MAP7D2: variants seen among roughly 807,000 people sequenced by gnomAD.
MAP7D2 encodes MAP7 domain containing 2.
In MAP7D2, 33 loss-of-function variants were observed where a neutral mutation model predicts 63.5. That is an observed-to-expected ratio of 0.52 (90% confidence interval 0.39 to 0.70). The LOEUF is 0.70. MAP7D2 is among the 30% of genes least tolerant of loss of function. The probability of loss-of-function intolerance (pLI) is 0.00; values close to 1 mark genes in which losing one functional copy is unlikely to be tolerated. For synonymous variants in MAP7D2, 224 were observed against 223.7 expected, an observed-to-expected ratio of 1.00 and a Z score of -0.01; for missense variants, 626 against 604.0, an observed-to-expected ratio of 1.04 and a Z score of -0.38.
At chrX:20,094,487 CATATATATATATATATATATATATAT>C (rs1216874865) in intron 1 of MAP7D2, among the ~76,000 whole-genome samples, 11 of 15,094 alleles carry the variant, frequency 7.3e-4, no homozygotes, top group East Asian at 3.7e-3. Context: ...AAAATACATA[CATATATATATATATATATATATATAT>C]ATGTATATAT....
At chrX:20,099,235 ACTCTCTCTCTCT>A (rs72039188) in intron 1 of MAP7D2, among the ~76,000 whole-genome samples, 78 of 93,639 alleles carry the variant, frequency 8.3e-4, no homozygotes, top group African/African-American at 2.5e-3. Context: ...GCAAGTTTAT[ACTCTCTCTCTCT>A]CTCTCTCTCT....
At chrX:20,087,501 C>T (rs1368508818) in intron 1 of MAP7D2, among the ~76,000 whole-genome samples, 2 of 111,975 alleles carry the variant, frequency 1.8e-5, no homozygotes, top group Admixed American at 1.9e-4. Context: ...TTCTTGCAGT[C>T]TGCAGAATCA....
intron 1 of MAP7D2, among the ~76,000 whole-genome samples, chrX:20,079,058 C>A (rs1449035584): frequency 1.8e-5 from 2 of 110,793 alleles, no homozygotes; most frequent in Non-Finnish European, 3.8e-5. Context: ...ACTACAGCAA[C>A]AAACAGAAAA....
At chrX:20,009,000 C>T (rs1182667636) in intron 16 of MAP7D2, among the ~76,000 whole-genome samples, 5 of 111,657 alleles carry the variant, frequency 4.5e-5, no homozygotes, top group Non-Finnish European at 9.4e-5. Flanking sequence ...ACACAAAAAA[C>T]CTCTTAATAA....
At chrX:20,098,560 G>T (rs182549068) in intron 1 of MAP7D2, among the ~76,000 whole-genome samples, 1,163 of 110,958 alleles carry the variant, frequency 0.01, 11 homozygotes, top group African/African-American at 0.031. Context: ...TACACGGTGG[G>T]GGGGGGAGCG....
intron 1 of MAP7D2, among the ~76,000 whole-genome samples, chrX:20,105,895 A>C (rs934084637): frequency 1.8e-5 from 2 of 112,146 alleles, no homozygotes; most frequent in African/African-American, 6.5e-5. Context: ...CAGACTGGGT[A>C]ACTTATAACA....
chrX:20,063,259 T>C, intron 3 of MAP7D2, among the ~76,000 whole-genome samples, 155 bp downstream of exon 3: 1 of 111,867 alleles, frequency 8.9e-6, no homozygotes, highest in Middle Eastern at 4.6e-3. Context: ...TGCTTCGAGT[T>C]TCATGTCATG....
intron 8 of MAP7D2, among the ~76,000 whole-genome samples, chrX:20,034,028 C>T (rs368847280): frequency 4.6e-5 from 5 of 107,653 alleles, no homozygotes; most frequent in Admixed American, 3.0e-4. Context: ...AGTTCAAAAC[C>T]GGCCTGGCCA....
chrX:20,074,781 T>C (rs763281233), intron 1 of MAP7D2, among the ~76,000 whole-genome samples: 5 of 111,809 alleles, frequency 4.5e-5, no homozygotes, highest in Non-Finnish European at 7.5e-5. Context: ...CCAGGCGCGG[T>C]GGTTTACTCC....
At chrX:20,025,560 G>A (rs562983930) in intron 9 of MAP7D2, 121 bp downstream of exon 9, 6 of 881,663 alleles carry the variant, frequency 6.8e-6, no homozygotes, top group Middle Eastern at 4.3e-4. Flanking sequence ...AGCTGCACGA[G>A]GGGATGCACT....
chrX:20,084,094 G>A (rs910328217), intron 1 of MAP7D2, among the ~76,000 whole-genome samples: 9 of 109,556 alleles, frequency 8.2e-5, no homozygotes, highest in African/African-American at 2.3e-4. Flanking sequence ...CCAGCTACTC[G>A]GGAGTGTGAG....
intron 2 of MAP7D2, among the ~76,000 whole-genome samples, 199 bp downstream of exon 2, chrX:20,064,529 A>G (rs1027319240): frequency 8.9e-6 from 1 of 112,199 alleles, no homozygotes; most frequent in Non-Finnish European, 1.9e-5. Context: ...GCAGAGGTTC[A>G]ATGTTTGCCG....
chrX:20,030,654 A>C (rs1219873840), intron 8 of MAP7D2, among the ~76,000 whole-genome samples: 1 of 111,683 alleles, frequency 9.0e-6, no homozygotes, highest in Non-Finnish European at 1.9e-5. Flanking sequence ...CTCCATGCAC[A>C]GTGAGTGAAC....
chrX:20,112,101 G>C (rs1337114388), intron 1 of MAP7D2, among the ~76,000 whole-genome samples: 1 of 112,136 alleles, frequency 8.9e-6, no homozygotes, highest in Non-Finnish European at 1.9e-5. Context: ...AACACAGAGG[G>C]TGGGACGGAT....
In MAP7D2 at chrX:20,012,118, C is replaced by CTT. The variant is rs748005322; in HGVS notation, c.2072+230_2072+231insAA. ...TCCTTCCCCTTTCTCCTGAAAAACT[C>CTT]CCAAGAGCTTTCCTCTAACAAATCA... On this transcript the variant is annotated intron_variant, in intron 15 of 16. Transcript: ENST00000379643. 1.3e-4 allele frequency among the ~76,000 whole-genome samples: 15 copies of CTT among 111,142 alleles called. No individual in the cohort carries two copies. In the Admixed American group the frequency reaches 1.4e-3, roughly 11 times the overall value.
rs1029147473 is a variant in MAP7D2 at position 20,068,707 on chromosome X, C to CTAG, written c.131-3903_131-3902insCTA. 6.3e-5 allele frequency among the ~76,000 whole-genome samples: 7 copies of CTAG among 111,926 alleles called. No homozygotes were observed. In the Admixed American group the frequency reaches 6.6e-4, roughly 11 times the overall value. On this transcript the variant is annotated intron_variant, in intron 1 of 16. Coordinates refer to ENST00000379643, the MANE Select transcript of MAP7D2 (RefSeq NM_001168465.2). ...GTGAACACTAACACCAGGAGATGCCCTCTAAAGACACAGTGTATCCAAGAA... is the reference window on the plus strand; with the variant it reads ...GTGAACACTAACACCAGGAGATGCCCTAGTCTAAAGACACAGTGTATCCAAGAA...
intron 1 of MAP7D2, among the ~76,000 whole-genome samples, chrX:20,067,187 G>A (rs900974861): frequency 8.9e-6 from 1 of 112,003 alleles, no homozygotes; most frequent in African/African-American, 3.2e-5. Context: ...CCCTCTAGGT[G>A]TTCATGGGCC....
chrX:20,108,702 C>T (rs1324985315), intron 1 of MAP7D2, among the ~76,000 whole-genome samples: 2 of 103,594 alleles, frequency 1.9e-5, no homozygotes, highest in Non-Finnish European at 3.9e-5. Flanking sequence ...TACTGGTCAA[C>T]AGCAGATTGG....
intron 4 of MAP7D2, among the ~76,000 whole-genome samples, chrX:20,055,546 G>C (rs2065048860): frequency 8.9e-6 from 1 of 111,865 alleles, no homozygotes; most frequent in African/African-American, 3.3e-5. Context: ...TGTAAGGCAT[G>C]CACCGCTCTA....
Sources: allele counts gnomAD v4.1 joint callset (sites outside exome capture counted in the v4.1 genomes callset), GRCh38; gene constraint gnomAD v4.1.1; transcripts MANE v1.5; gene names NCBI Gene and HGNC (gene_info 2026-07-23, HGNC 2026-07-21).